Variants in WDR7 observed in about 807,000 individuals in gnomAD.
WDR7 encodes WD repeat domain 7, also known as WD repeat-containing protein 7.
A neutral mutation model predicts 169.4 loss-of-function variants in WDR7; 46 were observed. The observed-to-expected ratio is 0.27, with a 90% CI of 0.21 to 0.35. WDR7 has a LOEUF of 0.35. Among genes scored for constraint, WDR7 ranks in the 10% least tolerant of loss-of-function variants. WDR7 has a pLI of 1.00. For synonymous variants in WDR7, 612 were observed against 666.8 expected (o/e 0.92, Z 1.27); for missense variants, 1,534 against 1,859.3 (o/e 0.83, Z 3.22).
At chr18:56,762,723 G>A (rs1303932849) in intron 16 of WDR7, among the ~76,000 whole-genome samples, 1 of 151,768 alleles carries the variant, frequency 6.6e-6, no homozygotes, top group Non-Finnish European at 1.5e-5. Context: ...ATCCTTTCTA[G>A]TGCATATTTT....
chr18:56,931,816 C>A (rs7239129), intron 22 of WDR7, among the ~76,000 whole-genome samples: 18,241 of 148,464 alleles, frequency 0.12, 3,492 homozygotes, highest in African/African-American at 0.42. Flanking sequence ...GAGGAGAAAC[C>A]TTAGCAAAAT....
chr18:56,924,520 C>T (rs532769976), intron 22 of WDR7, among the ~76,000 whole-genome samples: 15 of 152,268 alleles, frequency 9.9e-5, no homozygotes, highest in Non-Finnish European at 1.9e-4. Context: ...AAATCAACTA[C>T]GTTGAGGTTT....
Position 56,982,359 on chromosome 18 carries a change from G to A in WDR7, c.4164+19830G>A, listed in dbSNP as rs192810640. ...GGAGCATTATTCGTTTCACAACAAA[G>A]GCTTCCTTTTCATATTAGCAAAGGT... On this transcript the variant is annotated intron_variant, in intron 26 of 27. Coordinates refer to ENST00000254442, the MANE Select transcript of WDR7 (RefSeq NM_015285.3). 5.9e-5 allele frequency among the ~76,000 whole-genome samples: 9 copies of A among 152,222 alleles called. No homozygotes were observed. The East Asian group carries it at 9.6e-4, about 16-fold the overall frequency.
intron 27 of WDR7, among the ~76,000 whole-genome samples, chr18:57,022,815 T>C (rs959470599): frequency 9.2e-5 from 14 of 152,218 alleles, no homozygotes; most frequent in South Asian, 8.3e-4. Flanking sequence ...CATCTTTTTG[T>C]CTTCCAGTTC....
chr18:56,694,581 A>C (rs2025655602), intron 9 of WDR7, 38 bp from the exon 10 acceptor site: 1 of 1,546,786 alleles, frequency 6.5e-7, no homozygotes, highest in African/African-American at 1.7e-5. Context: ...TTTTGATTAA[A>C]AATACAGCTA....
chr18:56,939,313 T>C lies in WDR7; in HGVS notation c.3984T>C (p.Val1328=). Residue 1328 remains valine (V), a splice_region_variant and synonymous_variant, in exon 25 of 28, where the codon GTT becomes GTC. Transcript: ENST00000254442. ...PTDVVDLLVE[V]MDIIMYCLEG... is the part of the protein sequence containing the mutation. Reference sequence around the variant, plus strand: ...AAATCTGTTCTTTTCTGTCAAAGGTTATGGACATCATTATGTACTGCCTTG... The same window carrying C: ...AAATCTGTTCTTTTCTGTCAAAGGTCATGGACATCATTATGTACTGCCTTG... 1 of 1,521,942 alleles carries C rather than the reference T, an allele frequency of 6.6e-7. No homozygotes were observed. The highest frequency in any genetic ancestry group is 1.4e-5 in the South Asian group (1 of 72,346). 94.3% of individuals were successfully genotyped at this position (1,521,942 alleles called of 1,614,324 possible).
chr18:56,757,345 C>T lies in WDR7; in HGVS notation c.2752C>T (p.Pro918Ser). ...TFIGDHMKKG[P>S]TRPPRPSTPD... ...TATTGGTGATCATATGAAGAAGGGTCCTACCAGGTGTGACCATGATAGTTT... is the reference window on the plus strand; with the variant it reads ...TATTGGTGATCATATGAAGAAGGGTTCTACCAGGTGTGACCATGATAGTTT... The change falls in exon 15 of 28, where the codon CCT (proline) becomes TCT (serine). Residue 918 changes from proline to serine, a missense_variant. Pro to Ser is a moderately conservative substitution (Grantham distance 74). Coordinates refer to ENST00000254442, the MANE Select transcript of WDR7 (RefSeq NM_015285.3). 1 of 1,603,746 alleles carries T rather than the reference C, an allele frequency of 6.2e-7. No individual in the cohort carries two copies. Among genetic ancestry groups the T allele is most frequent in the African/African-American group, 1.3e-5 (1 of 74,816 alleles).
intron 16 of WDR7, among the ~76,000 whole-genome samples, chr18:56,775,688 A>G (rs531460646): frequency 5.7e-4 from 87 of 151,820 alleles, no homozygotes; most frequent in Non-Finnish European, 8.4e-4. Context: ...TTTTTGTGTT[A>G]TTTTTCATGG....
intron 20 of WDR7, among the ~76,000 whole-genome samples, chr18:56,829,071 C>G (rs1243909941): frequency 6.6e-6 from 1 of 150,404 alleles, no homozygotes; most frequent in Non-Finnish European, 1.5e-5. Context: ...TAGCTTCAGA[C>G]CAGGGGTTCA....
intron 26 of WDR7, among the ~76,000 whole-genome samples, chr18:56,984,977 T>C (rs963438996): frequency 2.0e-5 from 3 of 152,180 alleles, no homozygotes; most frequent in African/African-American, 7.2e-5. Flanking sequence ...GGGAGCATTA[T>C]TGACCCATTG....
In WDR7 at chr18:56,780,422, A is replaced by G. The variant is rs377749594; in HGVS notation, c.3066+873A>G. On this transcript the variant is annotated intron_variant, in intron 18 of 27. Transcript: ENST00000254442. ...GGGATTGCAGAATACTAGCATTTTCATTGAATAATATTTTGAATTCACTTC... is the reference window on the plus strand; with the variant it reads ...GGGATTGCAGAATACTAGCATTTTCGTTGAATAATATTTTGAATTCACTTC... Among the ~76,000 whole-genome samples, 6 of 152,284 alleles carry G rather than the reference A, an allele frequency of 3.9e-5. No homozygotes were observed. The South Asian group carries it at 1.0e-3, about 26-fold the overall frequency.
At chr18:57,001,471 GC>G (rs1354942812) in intron 26 of WDR7, among the ~76,000 whole-genome samples, 2 of 152,020 alleles carry the variant, frequency 1.3e-5, no homozygotes, top group African/African-American at 4.8e-5. Context: ...GTGGATCCAG[GC>G]AGGAGCAACA....
chr18:56,747,113 C>G (rs191376913), intron 14 of WDR7, among the ~76,000 whole-genome samples: 2 of 152,312 alleles, frequency 1.3e-5, no homozygotes, highest in East Asian at 3.9e-4. Flanking sequence ...AGTCTTTCCT[C>G]TACCACCTCC....
chr18:56,856,047 G>A (rs960738223), intron 20 of WDR7, among the ~76,000 whole-genome samples: 4 of 152,130 alleles, frequency 2.6e-5, no homozygotes, highest in African/African-American at 4.8e-5. Flanking sequence ...GAGGGATGGC[G>A]AAGAAGCCAG....
intron 25 of WDR7, among the ~76,000 whole-genome samples, chr18:56,949,546 AT>A (rs2047151921): frequency 6.6e-6 from 1 of 152,248 alleles, no homozygotes; most frequent in Non-Finnish European, 1.5e-5. Flanking sequence ...GAATTTAAAA[AT>A]CTGCTTGCGC....
chr18:56,825,711 A>G (rs1383199308), intron 20 of WDR7, among the ~76,000 whole-genome samples: 1 of 152,222 alleles, frequency 6.6e-6, no homozygotes, highest in Non-Finnish European at 1.5e-5. Context: ...TTTGTGATAT[A>G]TAGAAATTTC....
intron 21 of WDR7, among the ~76,000 whole-genome samples, chr18:56,894,072 CATCTA>C (rs2046299496): frequency 6.6e-6 from 1 of 151,998 alleles, no homozygotes; most frequent in South Asian, 2.1e-4. Flanking sequence ...TGACATAACA[CATCTA>C]ATCTATCAAG....
intron 26 of WDR7, among the ~76,000 whole-genome samples, chr18:56,967,555 A>G (rs1436403994): frequency 1.3e-5 from 2 of 152,056 alleles, no homozygotes; most frequent in African/African-American, 4.8e-5. Flanking sequence ...TCCCTCTATC[A>G]ATATTTGCCT....
At chr18:56,679,502 A>G (rs1176575211) in intron 3 of WDR7, 64 bp downstream of exon 3, 6 of 1,180,606 alleles carry the variant, frequency 5.1e-6, no homozygotes, top group Non-Finnish European at 7.0e-6. Context: ...AATGCCTTGT[A>G]AGTAGCGAGG....
Sources: gnomAD v4.1 joint callset for allele counts (sites outside exome capture counted in the v4.1 genomes callset) on GRCh38, gnomAD v4.1.1 for gene constraint, MANE v1.5 for transcripts, NCBI Gene and HGNC (gene_info 2026-07-23, HGNC 2026-07-21) for gene names.